MRPS27: variants seen among roughly 807,000 people sequenced by gnomAD.
The protein encoded by MRPS27 is small ribosomal subunit protein mS27.
MRPS27 carries 43 observed loss-of-function variants against 48.9 expected under a neutral mutation model. The observed-to-expected ratio is 0.88, with a 90% CI of 0.69 to 1.13. MRPS27 has a LOEUF of 1.13. Ranked by LOEUF, MRPS27 falls within the 50% of genes most tolerant of loss-of-function variation. The pLI, the probability that MRPS27 is intolerant of heterozygous loss-of-function variation, is 0.00. For synonymous variants in MRPS27, 188 were observed against 171.9 expected (o/e 1.09, Z -0.73); for missense variants, 467 against 476.3 (o/e 0.98, Z 0.18).
chr5:72,254,652 A>G (rs143768873), intron 4 of MRPS27, among the ~76,000 whole-genome samples: 1 of 152,310 alleles, frequency 6.6e-6, no homozygotes, highest in Non-Finnish European at 1.5e-5. Context: ...TTCCCATAGC[A>G]ATATAGCACA....
chr5:72,234,629 T>C (rs1016420761), intron 5 of MRPS27, among the ~76,000 whole-genome samples: 1 of 152,150 alleles, frequency 6.6e-6, no homozygotes, highest in Non-Finnish European at 1.5e-5. Flanking sequence ...GCCTGGCTTT[T>C]AAGGTCCCAA....
At chr5:72,238,354 A>G (rs920923794) in intron 4 of MRPS27, among the ~76,000 whole-genome samples, 2 of 152,234 alleles carry the variant, frequency 1.3e-5, no homozygotes, top group African/African-American at 4.8e-5. Flanking sequence ...CAAAAATTGT[A>G]TTCCTTATAC....
rs559173013 is a variant in MRPS27, at chr5:72,276,011, G to A, written c.281+19520C>T. ...GAAAAAAGGAAAAAAGGAGAAAAAAGGAGAAAAATGTGTGTGTGTGGGGGG... is the reference window on the plus strand; with the variant it reads ...GAAAAAAGGAAAAAAGGAGAAAAAAAGAGAAAAATGTGTGTGTGTGGGGGG... On this transcript the variant is annotated intron_variant, in intron 4 of 10. Transcript: ENST00000261413. Among the ~76,000 whole-genome samples the A allele has an allele frequency of 1.7e-4, 26 of 150,292 alleles. 1 individual carries two copies. The South Asian group carries it at 4.0e-3, about 23-fold the overall frequency.
intron 4 of MRPS27, among the ~76,000 whole-genome samples, chr5:72,285,633 A>G (rs1749652535): frequency 6.6e-6 from 1 of 152,158 alleles, no homozygotes; most frequent in Admixed American, 6.6e-5. Flanking sequence ...AACAAGGCCC[A>G]GCCTTAGCTT....
chr5:72,311,905 G>A (rs1750449554), intron 2 of MRPS27, among the ~76,000 whole-genome samples: 1 of 152,318 alleles, frequency 6.6e-6, no homozygotes, highest in East Asian at 1.9e-4. Context: ...GGCTGAGGTG[G>A]GCAGATCACC....
At chr5:72,258,727 T>C (rs1748882367) in intron 4 of MRPS27, among the ~76,000 whole-genome samples, 1 of 152,186 alleles carries the variant, frequency 6.6e-6, no homozygotes, top group South Asian at 2.1e-4. Context: ...AACCTGTGTG[T>C]ATGCCTTGAT....
intron 4 of MRPS27, among the ~76,000 whole-genome samples, chr5:72,266,633 G>A (rs1580082930): frequency 1.3e-5 from 2 of 152,190 alleles, no homozygotes; most frequent in Admixed American, 6.5e-5. Context: ...GCCGAGGTGG[G>A]CAGATCACGA....
intron 2 of MRPS27, among the ~76,000 whole-genome samples, chr5:72,313,611 G>A (rs1224137732): frequency 2.0e-5 from 3 of 152,184 alleles, no homozygotes; most frequent in African/African-American, 7.2e-5. Flanking sequence ...AGCCTGGGAA[G>A]ATGTTAACCA....
At chr5:72,246,309 G>A (rs1045223137) in intron 4 of MRPS27, among the ~76,000 whole-genome samples, 1 of 152,226 alleles carries the variant, frequency 6.6e-6, no homozygotes, top group South Asian at 2.1e-4. Flanking sequence ...GGCAGGAGGA[G>A]ATGAAAGATG....
intron 2 of MRPS27, among the ~76,000 whole-genome samples, chr5:72,308,386 C>T (rs910243453): frequency 3.9e-5 from 6 of 152,218 alleles, no homozygotes; most frequent in African/African-American, 1.4e-4. Flanking sequence ...GGGATGGGAG[C>T]GGCGAAAGCC....
In MRPS27 at chr5:72,219,775, C is replaced by T. The variant is rs1014679357; in HGVS notation, c.*1134G>A. 6.6e-6 allele frequency: 1 copy of T among 152,150 alleles called. No individual in the cohort carries two copies. The highest frequency in any genetic ancestry group is 1.5e-5 in the Non-Finnish European group (1 of 68,038). The allele number at this position is 152,150 out of a possible 1,614,324, so 9.4% of individuals were successfully genotyped here. A position where few individuals can be genotyped will look rare whatever the true frequency, so the allele number is the denominator to read the frequency against. ...CTTCTTTAACAGAAATGTGTGTTCA[C>T]AAGTTGTGTGTGCATGCACATGTGC... On this transcript the variant is annotated 3_prime_UTR_variant, in exon 11 of 11. Transcript: ENST00000261413.
chr5:72,254,679 C>T (rs556850440), intron 4 of MRPS27, among the ~76,000 whole-genome samples: 2 of 152,108 alleles, frequency 1.3e-5, no homozygotes, highest in Admixed American at 1.3e-4. Flanking sequence ...CACCTACTTC[C>T]TCTAGCAAAT....
At chr5:72,251,242 G>A (rs1748657427) in intron 4 of MRPS27, among the ~76,000 whole-genome samples, 1 of 152,188 alleles carries the variant, frequency 6.6e-6, no homozygotes, top group South Asian at 2.1e-4. Context: ...CAGTAAGAGG[G>A]TAAAGAATCC....
chr5:72,301,104 T>G (rs1750116746), intron 2 of MRPS27, among the ~76,000 whole-genome samples: 1 of 152,252 alleles, frequency 6.6e-6, no homozygotes. Context: ...GTAATAAGTA[T>G]TTGTTGAAAA....
At chr5:72,243,634 T>C (rs1580065384) in intron 4 of MRPS27, among the ~76,000 whole-genome samples, 1 of 152,130 alleles carries the variant, frequency 6.6e-6, no homozygotes, top group East Asian at 1.9e-4. Context: ...CTGCACAAAA[T>C]AAAAGCACCA....
chr5:72,260,924 C>T (rs1238688247), intron 4 of MRPS27, among the ~76,000 whole-genome samples: 2 of 152,148 alleles, frequency 1.3e-5, no homozygotes, highest in African/African-American at 2.4e-5. Flanking sequence ...AGTGTAGTGG[C>T]GTGATCTCAG....
At chr5:72,301,118 A>G (rs1750117045) in intron 2 of MRPS27, among the ~76,000 whole-genome samples, 1 of 152,212 alleles carries the variant, frequency 6.6e-6, no homozygotes, top group African/African-American at 2.4e-5. Flanking sequence ...TTGAAAACCT[A>G]TTGTTGTGCA....
chr5:72,232,042 A>G (rs1313408061), intron 7 of MRPS27, among the ~76,000 whole-genome samples: 2 of 152,170 alleles, frequency 1.3e-5, no homozygotes, highest in East Asian at 3.9e-4. Flanking sequence ...ACTTTCCAAA[A>G]CGGAACTGCC....
intron 4 of MRPS27, among the ~76,000 whole-genome samples, chr5:72,244,896 T>G (rs1031794450): frequency 6.6e-6 from 1 of 152,232 alleles, no homozygotes; most frequent in South Asian, 2.1e-4. Context: ...TCTCTCTTAC[T>G]TTCATGGTAC....
Sources: allele counts gnomAD v4.1 joint callset (sites outside exome capture counted in the v4.1 genomes callset), GRCh38; gene constraint gnomAD v4.1.1; transcripts MANE v1.5; gene names NCBI Gene and HGNC (gene_info 2026-07-23, HGNC 2026-07-21).